Variants in CTNNA2 observed in about 807,000 individuals in gnomAD.
CTNNA2 encodes catenin alpha-2.
A neutral mutation model predicts 101.0 loss-of-function variants in CTNNA2; 42 were observed. The observed-to-expected ratio is 0.42, with a 90% confidence interval of 0.32 to 0.54. CTNNA2 has a LOEUF of 0.54. Ranked by LOEUF, CTNNA2 falls within the 20% of genes least tolerant of loss-of-function variation. CTNNA2 has a pLI of 0.14. For synonymous variants in CTNNA2, 450 were observed against 456.4 expected (o/e 0.99, Z 0.18); for missense variants, 871 against 1,223.1 (o/e 0.71, Z 4.29).
intron 1 of CTNNA2, among the ~76,000 whole-genome samples, chr2:79,633,474 C>T (rs529986537): frequency 6.6e-6 from 1 of 152,258 alleles, no homozygotes; most frequent in Admixed American, 6.5e-5. Context: ...TTATGATTCT[C>T]CTCCTTAGCC....
intron 9 of CTNNA2, among the ~76,000 whole-genome samples, chr2:80,493,732 A>C (rs931362032): frequency 1.3e-5 from 2 of 152,178 alleles, no homozygotes; most frequent in Non-Finnish European, 2.9e-5. Context: ...AATTTTATAC[A>C]CATTTGTGTT....
intron 7 of CTNNA2, among the ~76,000 whole-genome samples, chr2:80,309,159 C>G (rs1287531730): frequency 6.6e-6 from 1 of 152,046 alleles, no homozygotes; most frequent in South Asian, 2.1e-4. Flanking sequence ...GTTCATGAGG[C>G]CTGTCCTCCC....
chr2:80,187,499 C>T (rs956201295), intron 7 of CTNNA2, among the ~76,000 whole-genome samples: 6 of 152,330 alleles, frequency 3.9e-5, no homozygotes, highest in East Asian at 1.9e-4. Flanking sequence ...CCCGTGGAAA[C>T]GGCTATTCTA....
chr2:79,737,517 G>T (rs904733664), intron 2 of CTNNA2, among the ~76,000 whole-genome samples: 2 of 152,300 alleles, frequency 1.3e-5, no homozygotes, highest in African/African-American at 4.8e-5. Flanking sequence ...AGCTCTGTGG[G>T]TAGGGTCCAG....
chr2:79,210,180 T>C (rs1263178679), intron 2 of CTNNA2, among the ~76,000 whole-genome samples: 3 of 151,724 alleles, frequency 2.0e-5, no homozygotes, highest in Admixed American at 1.3e-4. Flanking sequence ...GGAGATTTGT[T>C]AACATCTCGC....
At chr2:79,645,469 G>A (rs989442270) in intron 1 of CTNNA2, among the ~76,000 whole-genome samples, 3 of 152,146 alleles carry the variant, frequency 2.0e-5, no homozygotes, top group Admixed American at 1.3e-4. Flanking sequence ...CTAAATAGGG[G>A]AGAAATTTAA....
chr2:79,980,542 A>G (rs1691190681), intron 7 of CTNNA2, among the ~76,000 whole-genome samples: 1 of 152,114 alleles, frequency 6.6e-6, no homozygotes, highest in Admixed American at 6.6e-5. Flanking sequence ...TTGATTCTAC[A>G]ATTACATTTT....
intron 3 of CTNNA2, among the ~76,000 whole-genome samples, chr2:79,792,707 T>G (rs1675378790): frequency 6.6e-6 from 1 of 152,208 alleles, no homozygotes; most frequent in South Asian, 2.1e-4. Context: ...TTCATGGTTT[T>G]GTGATATTAG....
chr2:79,462,083 TAAG>T (rs1216875607), intron 4 of CTNNA2, among the ~76,000 whole-genome samples: 1 of 152,142 alleles, frequency 6.6e-6, no homozygotes, highest in East Asian at 1.9e-4. Context: ...AAGTTACAAA[TAAG>T]AACAAATTTA....
At chr2:79,988,634 G>A (rs532337090) in intron 7 of CTNNA2, among the ~76,000 whole-genome samples, 34 of 152,246 alleles carry the variant, frequency 2.2e-4, no homozygotes, top group African/African-American at 7.2e-4. Context: ...TACAACCAAA[G>A]AAACTAAGGC....
intron 7 of CTNNA2, among the ~76,000 whole-genome samples, chr2:79,965,374 T>C (rs1267917278): frequency 1.3e-5 from 2 of 152,220 alleles, no homozygotes; most frequent in Non-Finnish European, 2.9e-5. Flanking sequence ...AGTTAAAATG[T>C]CTAAAACATT....
chr2:79,225,519 G>C (rs1400081189), intron 2 of CTNNA2, among the ~76,000 whole-genome samples: 1 of 152,100 alleles, frequency 6.6e-6, no homozygotes, highest in Non-Finnish European at 1.5e-5. Flanking sequence ...AATGGCCCCT[G>C]TCTTTTAGGA....
At chr2:79,584,660 C>G (rs1310328146) in intron 1 of CTNNA2, among the ~76,000 whole-genome samples, 2 of 151,654 alleles carry the variant, frequency 1.3e-5, no homozygotes, top group African/African-American at 2.4e-5. Flanking sequence ...AAAGGGAGTA[C>G]AGGCACACAC....
intron 18 of CTNNA2, among the ~76,000 whole-genome samples, chr2:80,644,176 GACA>G (rs754559105): frequency 6.6e-6 from 1 of 152,038 alleles, no homozygotes; most frequent in Non-Finnish European, 1.5e-5. Context: ...TGACTGCAGG[GACA>G]ACAACTTACG....
At chr2:80,644,339 A>AACTT (rs1449331311) in intron 18 of CTNNA2, among the ~76,000 whole-genome samples, 1 of 152,208 alleles carries the variant, frequency 6.6e-6, no homozygotes, top group African/African-American at 2.4e-5. Context: ...TTATTATGAA[A>AACTT]ACTTATACGT....
At chr2:79,262,702 C>A (rs1433857782) in intron 2 of CTNNA2, among the ~76,000 whole-genome samples, 1 of 152,110 alleles carries the variant, frequency 6.6e-6, no homozygotes, top group Non-Finnish European at 1.5e-5. Flanking sequence ...TGGGACCAGG[C>A]AATCTGGGTT....
At chr2:79,366,714 A>T (rs1259796369) in intron 3 of CTNNA2, among the ~76,000 whole-genome samples, 2 of 152,238 alleles carry the variant, frequency 1.3e-5, no homozygotes, top group Non-Finnish European at 2.9e-5. Context: ...CATTCAACAC[A>T]AACTGTGAAC....
At chr2:80,603,667 C>T (rs545346344) in intron 15 of CTNNA2, 1 of 156,986 alleles carries the variant, frequency 6.4e-6, no homozygotes, top group South Asian at 2.0e-4. Flanking sequence ...GTTACTAGAT[C>T]ATTTTGGGCT....
At chr2:79,302,179 T>G (rs934279159) in intron 2 of CTNNA2, among the ~76,000 whole-genome samples, 2 of 152,100 alleles carry the variant, frequency 1.3e-5, no homozygotes, top group South Asian at 4.1e-4. Flanking sequence ...TGAAAAGACT[T>G]AGTGACATCA....
Sources: allele counts gnomAD v4.1 joint callset (sites outside exome capture counted in the v4.1 genomes callset), GRCh38; gene constraint gnomAD v4.1.1; transcripts MANE v1.5; gene names NCBI Gene and HGNC (gene_info 2026-07-23, HGNC 2026-07-21).